RGS7: variants seen among roughly 807,000 people sequenced by gnomAD.
RGS7 encodes regulator of G protein signaling 7.
RGS7 carries 27 observed loss-of-function variants against 81.1 expected under a neutral mutation model. The ratio of observed to expected loss-of-function variants is 0.33; its 90% CI spans 0.25 to 0.46. RGS7 has a LOEUF of 0.46. Among genes scored for constraint, RGS7 ranks in the 20% least tolerant of loss-of-function variants. The probability of loss-of-function intolerance (pLI) is 1.00; values close to 1 mark genes in which losing one functional copy is unlikely to be tolerated. For missense variants in RGS7, 396 were observed against 607.4 expected, an observed-to-expected ratio of 0.65 and a Z score of 3.66; for synonymous variants, 208 against 207.7, an observed-to-expected ratio of 1.00 and a Z score of -0.01.
At chr1:240,935,600 G>A (rs1676486548) in intron 5 of RGS7, among the ~76,000 whole-genome samples, 1 of 152,158 alleles carries the variant, frequency 6.6e-6, no homozygotes, top group Non-Finnish European at 1.5e-5. Flanking sequence ...GTCCAAGGAA[G>A]GGGCAGTGAG....
intron 2 of RGS7, among the ~76,000 whole-genome samples, chr1:241,306,311 A>G (rs2080125741): frequency 1.3e-5 from 2 of 150,694 alleles, no homozygotes; most frequent in South Asian, 2.1e-4. Flanking sequence ...ATGTACATAT[A>G]TACCCATGTC....
At chr1:240,932,911 T>G (rs1262509121) in intron 5 of RGS7, among the ~76,000 whole-genome samples, 14 of 116,658 alleles carry the variant, frequency 1.2e-4, no homozygotes, top group African/African-American at 3.1e-4. Flanking sequence ...TGAGACAGAG[T>G]CTCGCTCTGT....
chr1:240,868,483 C>T lies in RGS7; in HGVS notation c.609+104G>A, dbSNP rs1472033287. 1.9e-5 allele frequency: 17 copies of T among 912,664 alleles called. No individual in the cohort carries two copies. The highest frequency in any genetic ancestry group is 3.3e-5 in the African/African-American group (2 of 61,382). The allele number at this position is 912,664 out of a possible 1,614,324, so 56.5% of individuals were successfully genotyped here. ...ATGAATTCACCAAGATACCATGGAGCGTGCATGGGGTCACTACAGTCTTTC... is the reference window on the plus strand; with the variant it reads ...ATGAATTCACCAAGATACCATGGAGTGTGCATGGGGTCACTACAGTCTTTC... On this transcript the variant is annotated intron_variant, in intron 9 of 18. Coordinates refer to ENST00000440928, the MANE Select transcript of RGS7 (RefSeq NM_001364886.1). The surrounding 1 kb of genome is among the most constrained non-coding windows in gnomAD (Gnocchi z 5.1).
intron 6 of RGS7, among the ~76,000 whole-genome samples, chr1:240,893,555 G>C (rs1383723027): frequency 1.3e-5 from 2 of 151,696 alleles, no homozygotes; most frequent in Non-Finnish European, 2.9e-5. Flanking sequence ...TTTGAAATGA[G>C]AGCCTTCCCT....
At chr1:240,958,291 T>A (rs932957973) in intron 4 of RGS7, among the ~76,000 whole-genome samples, 1 of 152,230 alleles carries the variant, frequency 6.6e-6, no homozygotes, top group African/African-American at 2.4e-5. Flanking sequence ...TTCAGCTTCG[T>A]TATCTTTGAT....
At chr1:240,827,595 A>T (rs1310725619) in intron 9 of RGS7, among the ~76,000 whole-genome samples, 1 of 151,950 alleles carries the variant, frequency 6.6e-6, no homozygotes, top group South Asian at 2.1e-4. Context: ...GGGCGCAGTG[A>T]CTCATGCCTG....
intron 3 of RGS7, among the ~76,000 whole-genome samples, chr1:240,993,093 AGGAG>A (rs1259145123): frequency 4.7e-5 from 4 of 85,502 alleles, no homozygotes; most frequent in Admixed American, 1.3e-4. Flanking sequence ...GAAGGAAGGA[AGGAG>A]GGAGGGAGGG....
rs974928526 is a variant in RGS7, at chr1:241,090,332, G to A, written c.175+8334C>T. Among the ~76,000 whole-genome samples the A allele has an allele frequency of 5.9e-5, 9 of 152,118 alleles. No individual in the cohort carries two copies. In the South Asian group the frequency reaches 6.2e-4, roughly 11 times the overall value. On this transcript the variant is annotated intron_variant, in intron 3 of 18. Transcript: ENST00000440928. The stretch of plus-strand genomic sequence containing the variant: ...GGATAAGAAGAGTCAAGGCGACCCC[G>A]GCATTTCTGGCATGTGCAATTTTTA...
intron 2 of RGS7, among the ~76,000 whole-genome samples, chr1:241,329,442 T>C (rs1032895142): frequency 2.0e-5 from 3 of 152,192 alleles, no homozygotes; most frequent in Non-Finnish European, 4.4e-5. Context: ...CCAGTTATAC[T>C]GCCTGGGAGT....
Position 240,929,614 on chromosome 1 carries a change from T to C in RGS7, c.385+1103A>G, listed in dbSNP as rs147400441. Among the ~76,000 whole-genome samples the C allele has an allele frequency of 4.0e-3, 609 of 152,308 alleles. 2 individuals are homozygous for C. The highest frequency in any genetic ancestry group is 0.014 in the African/African-American group (585 of 41,572). ...TATTGATTTTCTATGAATTTTCTTA[T>C]TTTTTCTTCTTATAAAAATGTCTCT... On this transcript the variant is annotated intron_variant, in intron 6 of 18. Coordinates refer to ENST00000440928, the MANE Select transcript of RGS7 (RefSeq NM_001364886.1).
chr1:241,183,665 G>A (rs767896425), intron 2 of RGS7, among the ~76,000 whole-genome samples: 2 of 152,222 alleles, frequency 1.3e-5, no homozygotes, highest in Non-Finnish European at 2.9e-5. Flanking sequence ...ATGCTTCTAT[G>A]AGTTCAAATC....
intron 2 of RGS7, among the ~76,000 whole-genome samples, chr1:241,105,895 A>T (rs1293088453): frequency 6.6e-6 from 1 of 152,226 alleles, no homozygotes; most frequent in Non-Finnish European, 1.5e-5. Flanking sequence ...CTAAGTGGGC[A>T]GATTGAATGG....
chr1:241,330,861 T>C (rs2081939608), intron 2 of RGS7, among the ~76,000 whole-genome samples: 1 of 152,170 alleles, frequency 6.6e-6, no homozygotes, highest in African/African-American at 2.4e-5. Context: ...ATGCTTTCAA[T>C]AAAAGTCCAA....
At chr1:240,849,289 A>T (rs1659658799) in intron 9 of RGS7, among the ~76,000 whole-genome samples, 1 of 151,928 alleles carries the variant, frequency 6.6e-6, no homozygotes, top group Admixed American at 6.6e-5. Flanking sequence ...TTCCTCTGTG[A>T]TCTGTTATGT....
chr1:241,010,152 G>A (rs2058886231), intron 3 of RGS7, among the ~76,000 whole-genome samples: 2 of 152,112 alleles, frequency 1.3e-5, no homozygotes, highest in Non-Finnish European at 2.9e-5. Context: ...CCTGCACGTT[G>A]TGCACATGTA....
intron 2 of RGS7, among the ~76,000 whole-genome samples, chr1:241,191,836 T>C (rs1268795328): frequency 6.6e-6 from 1 of 152,226 alleles, no homozygotes; most frequent in African/African-American, 2.4e-5. Flanking sequence ...TTGTTTGGAA[T>C]TGGCCTGCTT....
At chr1:241,191,202 G>A (rs1162576487) in intron 2 of RGS7, among the ~76,000 whole-genome samples, 10 of 152,124 alleles carry the variant, frequency 6.6e-5, no homozygotes, top group Admixed American at 1.3e-4. Context: ...GGATGGTCTC[G>A]ATCTCTTGAC....
At chr1:241,039,027 G>A (rs1280195525) in intron 3 of RGS7, among the ~76,000 whole-genome samples, 3 of 151,910 alleles carry the variant, frequency 2.0e-5, no homozygotes, top group East Asian at 1.9e-4. Context: ...CAGGCAGCTC[G>A]TCAAGGAGAG....
chr1:241,260,850 A>G (rs1230543345), intron 2 of RGS7, among the ~76,000 whole-genome samples: 4 of 146,200 alleles, frequency 2.7e-5, no homozygotes, highest in African/African-American at 1.0e-4. Context: ...AACAGACTTA[A>G]GGTGAGACTC....
Sources: allele counts gnomAD v4.1 joint callset (sites outside exome capture counted in the v4.1 genomes callset), GRCh38; gene constraint gnomAD v4.1.1; non-coding constraint Gnocchi (gnomAD v3.1); transcripts MANE v1.5; gene names NCBI Gene and HGNC (gene_info 2026-07-23, HGNC 2026-07-21).